FBXL2: variants seen among roughly 807,000 people sequenced by gnomAD.
The protein encoded by FBXL2 is F-box and leucine rich repeat protein 2.
In FBXL2, 38 loss-of-function variants were observed where a neutral mutation model predicts 69.2. That is an observed-to-expected ratio of 0.55 (90% CI 0.42 to 0.72). The LOEUF (loss-of-function observed/expected upper bound fraction) is 0.72, where lower values mean the gene tolerates loss of function less well. Among genes scored for constraint, FBXL2 ranks in the 30% least tolerant of loss-of-function variants. FBXL2 has a pLI of 0.00. For synonymous variants in FBXL2, 192 were observed against 201.3 expected, an observed-to-expected ratio of 0.95 and a Z score of 0.39; for missense variants, 354 against 520.3, an observed-to-expected ratio of 0.68 and a Z score of 3.11.
chr3:33,422,045 AAAAT>A, the FBXL2 span, among the ~76,000 whole-genome samples: 4 of 152,206 alleles, frequency 2.6e-5, no homozygotes, highest in African/African-American at 7.2e-5. Flanking sequence ...CCTGTCTCAA[AAAAT>A]AAATAAATAA....
intron 1 of FBXL2, among the ~76,000 whole-genome samples, chr3:33,291,510 T>A (rs574820850): frequency 6.6e-6 from 1 of 152,304 alleles, no homozygotes; most frequent in East Asian, 1.9e-4. Flanking sequence ...ACATTTATTT[T>A]AAAAATATGG....
chr3:33,400,174 C>CACACAT (rs759397898), intron 12 of FBXL2: 1 of 1,499,982 alleles, frequency 6.7e-7, no homozygotes, highest in Non-Finnish European at 8.9e-7. Context: ...CAGATACACA[C>CACACAT]ACACATACAC....
At chr3:33,301,240 T>G (rs1276448129) in intron 2 of FBXL2, among the ~76,000 whole-genome samples, 1 of 152,238 alleles carries the variant, frequency 6.6e-6, no homozygotes, top group Non-Finnish European at 1.5e-5. Flanking sequence ...CTGTTGTTCC[T>G]AATCTTGTTG....
At position 33,357,562 on chromosome 3, in the gene FBXL2, C is replaced by T. The variant is rs1575324562; in HGVS notation, c.66-1405C>T. Among the ~76,000 whole-genome samples the T allele has an allele frequency of 2.4e-5, 3 of 122,504 alleles. No homozygotes were observed. In the Admixed American group the frequency reaches 3.2e-4, roughly 13 times the overall value. 80.4% of individuals were successfully genotyped at this position (122,504 alleles called of 152,430 possible). A position where few individuals can be genotyped will look rare whatever the true frequency, so the allele number is the denominator to read the frequency against. ...TTTTTTTTTTTTTGAGACGGAGTCTCGCTGTCGCCCAGGTTGGAGTGCAGT... is the reference window on the plus strand; with the variant it reads ...TTTTTTTTTTTTTGAGACGGAGTCTTGCTGTCGCCCAGGTTGGAGTGCAGT... On this transcript the variant is annotated intron_variant, in intron 2 of 14. Transcript: ENST00000484457.
intron 2 of FBXL2, among the ~76,000 whole-genome samples, chr3:33,331,415 G>A (rs1429600649): frequency 2.0e-5 from 3 of 152,060 alleles, no homozygotes; most frequent in Admixed American, 6.6e-5. Flanking sequence ...CTTTGAGCCT[G>A]AGGAATTGGA....
chr3:33,333,231 G>A (rs1470032553), intron 2 of FBXL2, among the ~76,000 whole-genome samples: 1 of 152,162 alleles, frequency 6.6e-6, no homozygotes, highest in Non-Finnish European at 1.5e-5. Context: ...GTAACCATTT[G>A]GGTAAAAATA....
chr3:33,355,641 T>C (rs2041147559), intron 2 of FBXL2, among the ~76,000 whole-genome samples: 1 of 152,228 alleles, frequency 6.6e-6, no homozygotes, highest in African/African-American at 2.4e-5. Context: ...GACAGACTAA[T>C]GGAGCAGAAT....
chr3:33,404,047 G>C (rs1278902294), downstream of FBXL2, among the ~76,000 whole-genome samples: 2 of 152,186 alleles, frequency 1.3e-5, no homozygotes, highest in African/African-American at 2.4e-5. Flanking sequence ...GATAGCTTGA[G>C]CCCAGGAGTT....
chr3:33,405,975 T>G (rs1432377888), downstream of FBXL2, among the ~76,000 whole-genome samples: 2 of 152,206 alleles, frequency 1.3e-5, no homozygotes, highest in Admixed American at 6.5e-5. Flanking sequence ...GAAAAATGAT[T>G]GCAGACTTAT....
In FBXL2 at chr3:33,373,658, G is replaced by A; in HGVS notation, c.536G>A (p.Arg179Gln). ...ITKDGIEALV[R>Q]GCRGLKALLL... The stretch of plus-strand genomic sequence containing the variant: ...AAGGATGGCATCGAGGCACTGGTGC[G>A]AGGTTGTCGAGGCCTGAAAGCCCTG... The change falls in exon 8 of 15, where the codon CGA becomes CAA. Residue 179 changes from arginine to glutamine, a missense_variant. Arg to Gln is a conservative substitution (Grantham distance 43). Transcript: ENST00000484457. 3 of 1,614,202 alleles carry A rather than the reference G, an allele frequency of 1.9e-6. No homozygotes were observed. The highest frequency in any genetic ancestry group is 2.5e-6 in the Non-Finnish European group (3 of 1,180,034).
intron 2 of FBXL2, among the ~76,000 whole-genome samples, chr3:33,302,433 A>G (rs551283078): frequency 2.7e-4 from 41 of 152,334 alleles, no homozygotes; most frequent in African/African-American, 7.7e-4. Flanking sequence ...TCTTCTGTGA[A>G]TTGAATATTG....
intron 2 of FBXL2, among the ~76,000 whole-genome samples, chr3:33,318,502 T>G (rs544046426): frequency 1.4e-4 from 21 of 152,340 alleles, no homozygotes; most frequent in African/African-American, 5.1e-4. Context: ...CTGCATTCTT[T>G]GTCTGCTGTC....
At chr3:33,355,530 G>C (rs1345456215) in intron 2 of FBXL2, among the ~76,000 whole-genome samples, 9 of 152,184 alleles carry the variant, frequency 5.9e-5, no homozygotes, top group Non-Finnish European at 1.3e-4. Flanking sequence ...GAATAACTAA[G>C]ATAATCTTGA....
At chr3:33,393,647 G>GT (rs1216260168) in intron 12 of FBXL2, among the ~76,000 whole-genome samples, 1 of 152,024 alleles carries the variant, frequency 6.6e-6, no homozygotes, top group Non-Finnish European at 1.5e-5. Flanking sequence ...AATCTAAAAC[G>GT]TAAGAATACA....
chr3:33,307,935 C>A (rs925846707), intron 2 of FBXL2, among the ~76,000 whole-genome samples: 1 of 152,072 alleles, frequency 6.6e-6, no homozygotes, highest in Non-Finnish European at 1.5e-5. Context: ...AATTTTCAGT[C>A]CATTGAAATT....
intron 2 of FBXL2, among the ~76,000 whole-genome samples, chr3:33,342,089 C>G (rs2040071209): frequency 6.8e-6 from 1 of 147,482 alleles, no homozygotes. Flanking sequence ...ACTGCAAGCT[C>G]CGCCTTCCAG....
At chr3:33,421,646 T>C in the FBXL2 span, among the ~76,000 whole-genome samples, 1 of 152,212 alleles carries the variant, frequency 6.6e-6, no homozygotes. Flanking sequence ...AAGACATCAA[T>C]ACAACTAGGA....
rs137863093 is a variant in FBXL2, at chr3:33,330,793, G to A, written c.66-28174G>A. 8.3e-3 allele frequency among the ~76,000 whole-genome samples: 1,266 copies of A among 152,096 alleles called. 20 individuals carry two copies. The highest frequency in any genetic ancestry group is 0.028 in the African/African-American group (1,177 of 41,478). ...AATCCCAGCTACTTGGGAGGCTGAG[G>A]CAGGAGAATCATTTGAACCTGGGAG... On this transcript the variant is annotated intron_variant, in intron 2 of 14. Coordinates refer to ENST00000484457, the MANE Select transcript of FBXL2 (RefSeq NM_012157.5).
intron 2 of FBXL2, among the ~76,000 whole-genome samples, chr3:33,301,248 T>C (rs1383292911): frequency 1.3e-5 from 2 of 152,222 alleles, no homozygotes; most frequent in East Asian, 1.9e-4. Context: ...CCTAATCTTG[T>C]TGAATTCCTA....
Sources: allele counts gnomAD v4.1 joint callset (sites outside exome capture counted in the v4.1 genomes callset), GRCh38; gene constraint gnomAD v4.1.1; transcripts MANE v1.5; gene names NCBI Gene and HGNC (gene_info 2026-07-23, HGNC 2026-07-21).